PHACTR4: variants seen among roughly 807,000 people sequenced by gnomAD.
The protein encoded by PHACTR4 is protein phosphatase 1, regulatory subunit 124.
In PHACTR4, 51 loss-of-function variants were observed where a neutral mutation model predicts 72.7. That is an observed-to-expected ratio of 0.70 (90% CI 0.56 to 0.89). The LOEUF is 0.89. Ranked by LOEUF, PHACTR4 falls within the 40% of genes least tolerant of loss-of-function variation. PHACTR4 has a pLI of 0.00. For synonymous variants in PHACTR4, 255 were observed against 302.5 expected (o/e 0.84, Z 1.63); for missense variants, 731 against 861.8 (o/e 0.85, Z 1.90).
chr1:28,407,517 CT>C, intron 2 of PHACTR4, 54 bp downstream of exon 2: 1 of 1,496,258 alleles, frequency 6.7e-7, no homozygotes, highest in Non-Finnish European at 9.2e-7. Context: ...TTATCCTCAC[CT>C]CCATTAAAGC....
intron 8 of PHACTR4, among the ~76,000 whole-genome samples, chr1:28,479,175 C>T (rs1017406769): frequency 2.0e-5 from 3 of 152,060 alleles, no homozygotes; most frequent in Non-Finnish European, 2.9e-5. Flanking sequence ...AATCCCAACA[C>T]TTTGGGAGGC....
chr1:28,447,244 T>G (rs1359493790), intron 2 of PHACTR4, among the ~76,000 whole-genome samples: 1 of 152,036 alleles, frequency 6.6e-6, no homozygotes, highest in Non-Finnish European at 1.5e-5. Context: ...ACTCCTGACC[T>G]CAGGTGATCC....
chr1:28,446,104 C>T (rs947560378), intron 2 of PHACTR4, among the ~76,000 whole-genome samples: 8 of 152,080 alleles, frequency 5.3e-5, no homozygotes, highest in South Asian at 2.1e-4. Flanking sequence ...ATTTCTCATA[C>T]CTGTCTGCTG....
rs189771266 is a variant in PHACTR4 at position 28,478,514 on chromosome 1, C to T, written c.1607-1937C>T. 8.5e-5 allele frequency among the ~76,000 whole-genome samples: 13 copies of T among 152,290 alleles called. No homozygotes were observed. In the East Asian group the frequency reaches 2.5e-3, roughly 29 times the overall value. ...AGGCACGATCTCAGCTCACTGTAACCTCCGCCTCCCAGGTTCAAGCGATTC... is the reference window on the plus strand; with the variant it reads ...AGGCACGATCTCAGCTCACTGTAACTTCCGCCTCCCAGGTTCAAGCGATTC... On this transcript the variant is annotated intron_variant, in intron 8 of 13. Transcript: ENST00000373839.
chr1:28,423,447 G>A (rs543313428), intron 2 of PHACTR4, among the ~76,000 whole-genome samples: 2 of 135,224 alleles, frequency 1.5e-5, no homozygotes, highest in African/African-American at 5.8e-5. Context: ...AAATAAATGA[G>A]TAAATAAATA....
At chr1:28,432,529 A>G (rs568953447) in intron 2 of PHACTR4, among the ~76,000 whole-genome samples, 15 of 152,086 alleles carry the variant, frequency 9.9e-5, no homozygotes, top group African/African-American at 3.4e-4. Flanking sequence ...CTGATGTTCT[A>G]GCTACTCCGG....
In PHACTR4 at chr1:28,466,640, G is replaced by A. The variant is rs1345105627; in HGVS notation, c.695G>A (p.Arg232Lys). The A allele has an allele frequency of 1.2e-6, 2 of 1,613,766 alleles. No homozygotes were observed. The highest frequency in any genetic ancestry group is 2.7e-5 in the African/African-American group (2 of 74,850). The stretch of plus-strand genomic sequence containing the variant: ...TCTGTCACCCCTTCCCCAGCACCCA[G>A]GACTCTGCCTGCTGCTCCTGCCAGC... ...NLSVTPSPAPRTLPAAPASTN... is the reference protein window; with the variant it reads ...NLSVTPSPAPKTLPAAPASTN... Residue 232 changes from arginine (R) to lysine (K), a missense_variant, in exon 6 of 14, where the codon AGG becomes AAG. Coordinates refer to ENST00000373839, the MANE Select transcript of PHACTR4 (RefSeq NM_001048183.3).
chr1:28,460,149 C>G (rs1658689324), intron 3 of PHACTR4, 63 bp from the exon 4 acceptor site: 1 of 1,084,816 alleles, frequency 9.2e-7, no homozygotes, highest in Non-Finnish European at 1.4e-6. Context: ...AATTAGAATG[C>G]TAAGTGTAAG....
At chr1:28,391,981 A>G (rs889036938) in intron 1 of PHACTR4, among the ~76,000 whole-genome samples, 1 of 152,052 alleles carries the variant, frequency 6.6e-6, no homozygotes, top group African/African-American at 2.4e-5. Context: ...AAACGTAATT[A>G]TTTTAGGTAA....
At chr1:28,489,052 GA>G (rs1660878692) in intron 9 of PHACTR4, 117 bp from the exon 10 acceptor site, 4 of 641,364 alleles carry the variant, frequency 6.2e-6, no homozygotes, top group Non-Finnish European at 7.9e-6. Flanking sequence ...ATATCAGTTT[GA>G]AAATTTGTTG....
chr1:28,443,643 C>T (rs530374060), intron 2 of PHACTR4, among the ~76,000 whole-genome samples: 1 of 151,734 alleles, frequency 6.6e-6, no homozygotes, highest in Admixed American at 6.6e-5. Flanking sequence ...GAAACGAGGT[C>T]TCACTCTCTT....
At chr1:28,403,883 T>C (rs1654117284) in intron 1 of PHACTR4, among the ~76,000 whole-genome samples, 1 of 152,236 alleles carries the variant, frequency 6.6e-6, no homozygotes, top group Non-Finnish European at 1.5e-5. Flanking sequence ...TAAACGTTTA[T>C]CCATGTTACA....
chr1:28,441,653 A>C (rs1657040760), intron 2 of PHACTR4, among the ~76,000 whole-genome samples: 1 of 152,210 alleles, frequency 6.6e-6, no homozygotes, highest in South Asian at 2.1e-4. Context: ...GAAAAAAATT[A>C]AATAAAATAC....
chr1:28,444,302 T>C (rs550439497), intron 2 of PHACTR4, among the ~76,000 whole-genome samples: 1 of 132,734 alleles, frequency 7.5e-6, no homozygotes, highest in African/African-American at 2.8e-5. Context: ...CAGTCTTGGC[T>C]CACTGCAACC....
intron 9 of PHACTR4, 139 bp downstream of exon 9, chr1:28,480,743 T>G: frequency 8.9e-7 from 1 of 1,128,492 alleles, no homozygotes; most frequent in Non-Finnish European, 1.3e-6. Context: ...CAGGCTGGAG[T>G]AGTGGCGCGA....
chr1:28,405,492 A>C (rs1039363325), intron 1 of PHACTR4, among the ~76,000 whole-genome samples: 4 of 151,378 alleles, frequency 2.6e-5, no homozygotes, highest in Non-Finnish European at 4.4e-5. Context: ...ATGCCCAGCT[A>C]ATTTTGGTAT....
intron 2 of PHACTR4, among the ~76,000 whole-genome samples, chr1:28,450,408 C>T (rs2124441106): frequency 6.6e-6 from 1 of 151,508 alleles, no homozygotes; most frequent in Non-Finnish European, 1.5e-5. Flanking sequence ...TATATGTTCT[C>T]TGTCAAATTG....
chr1:28,371,296 A>ATATT (rs1412508756), intron 1 of PHACTR4, among the ~76,000 whole-genome samples: 2 of 151,986 alleles, frequency 1.3e-5, no homozygotes, highest in South Asian at 2.1e-4. Context: ...TAATTTATTT[A>ATATT]TATTTATTTA....
intron 1 of PHACTR4, among the ~76,000 whole-genome samples, chr1:28,375,433 TC>T (rs1219742708): frequency 6.6e-6 from 1 of 151,664 alleles, no homozygotes; most frequent in Non-Finnish European, 1.5e-5. Context: ...TCCCAGTGCT[TC>T]GGGAGGCTAA....
Sources: allele counts gnomAD v4.1 joint callset (sites outside exome capture counted in the v4.1 genomes callset), GRCh38; gene constraint gnomAD v4.1.1; transcripts MANE v1.5; gene names NCBI Gene and HGNC (gene_info 2026-07-23, HGNC 2026-07-21).